EYA2: variants seen among roughly 807,000 people sequenced by gnomAD.
The protein encoded by EYA2 is protein phosphatase EYA2.
Under a neutral mutation model 69.2 loss-of-function variants are expected in EYA2, and 31 were observed. The observed-to-expected ratio is 0.45, with a 90% confidence interval of 0.34 to 0.60. The LOEUF is 0.60. Among genes scored for constraint, EYA2 ranks in the 20% least tolerant of loss-of-function variants. The pLI is 0.02. For missense variants in EYA2, 622 were observed against 701.2 expected, an observed-to-expected ratio of 0.89 and a Z score of 1.28; for synonymous variants, 257 against 279.4, an observed-to-expected ratio of 0.92 and a Z score of 0.80.
chr20:47,123,466 G>A (rs1463762560), intron 9 of EYA2, among the ~76,000 whole-genome samples: 2 of 152,146 alleles, frequency 1.3e-5, no homozygotes, highest in African/African-American at 4.8e-5. Flanking sequence ...CCACTAGCTA[G>A]AGGAAGACAA....
At chr20:46,969,897 A>C (rs1980035995) in intron 1 of EYA2, among the ~76,000 whole-genome samples, 1 of 152,204 alleles carries the variant, frequency 6.6e-6, no homozygotes, top group Non-Finnish European at 1.5e-5. Context: ...TTACTATTAA[A>C]TGTAAGGGGG....
chr20:47,023,110 ATCTT>A (rs1331385665), intron 5 of EYA2, among the ~76,000 whole-genome samples: 1 of 152,120 alleles, frequency 6.6e-6, no homozygotes, highest in Non-Finnish European at 1.5e-5. Context: ...ATCTGTGGAA[ATCTT>A]TCTTCTACCC....
At chr20:46,957,689 C>A (rs1437833553) in intron 1 of EYA2, among the ~76,000 whole-genome samples, 4 of 152,146 alleles carry the variant, frequency 2.6e-5, no homozygotes, top group Non-Finnish European at 4.4e-5. Flanking sequence ...GAAATGGATT[C>A]TCACCTGGAG....
chr20:46,923,381 A>G (rs1360405398), intron 1 of EYA2, among the ~76,000 whole-genome samples: 2 of 152,152 alleles, frequency 1.3e-5, no homozygotes, highest in African/African-American at 4.8e-5. Flanking sequence ...CAAACAAAAG[A>G]AATGTTCTAG....
At chr20:47,034,516 T>C (rs952743350) in intron 5 of EYA2, among the ~76,000 whole-genome samples, 1 of 152,198 alleles carries the variant, frequency 6.6e-6, no homozygotes, top group South Asian at 2.1e-4. Flanking sequence ...AGAGAGGGGA[T>C]GTGCTTTGCT....
At chr20:47,049,653 T>C (rs1014141461) in intron 5 of EYA2, among the ~76,000 whole-genome samples, 4 of 150,994 alleles carry the variant, frequency 2.6e-5, no homozygotes, top group African/African-American at 9.7e-5. Context: ...CCGCCATGAG[T>C]AAAAGCTCCC....
chr20:46,971,731 T>C (rs969822137), intron 1 of EYA2, among the ~76,000 whole-genome samples: 3 of 152,240 alleles, frequency 2.0e-5, no homozygotes, highest in Admixed American at 6.5e-5. Context: ...CTGACTGTTT[T>C]ACCATTAGCA....
At chr20:47,117,695 CT>C (rs2032940927) in intron 9 of EYA2, 1 of 985,246 alleles carries the variant, frequency 1.0e-6, no homozygotes, top group Non-Finnish European at 1.2e-6. Context: ...CAGTTAAAAA[CT>C]ATTTGTAGAA....
At chr20:46,929,419 C>CTTT (rs10693379) in intron 1 of EYA2, among the ~76,000 whole-genome samples, 27 of 148,924 alleles carry the variant, frequency 1.8e-4, no homozygotes, top group South Asian at 8.5e-4. Context: ...TGAGAAGGGG[C>CTTT]TTTTTTTTTG....
At chr20:47,078,410 T>G (rs1237149205) in intron 7 of EYA2, among the ~76,000 whole-genome samples, 1 of 151,908 alleles carries the variant, frequency 6.6e-6, no homozygotes, top group Non-Finnish European at 1.5e-5. Context: ...ACTTTTGAAA[T>G]TATCCAGGAT....
At chr20:46,897,812 T>C (rs543841046) in intron 1 of EYA2, among the ~76,000 whole-genome samples, 101 of 151,464 alleles carry the variant, frequency 6.7e-4, no homozygotes, top group Non-Finnish European at 1.2e-3. Context: ...AGCGGAGGAG[T>C]GGAAGTTGCG....
chr20:47,168,254 C>T lies in EYA2; in HGVS notation c.979-885C>T, dbSNP rs566613239. 2.7e-3 allele frequency among the ~76,000 whole-genome samples: 405 copies of T among 152,064 alleles called. 1 individual carries two copies. Among genetic ancestry groups the T allele is most frequent in the African/African-American group, 8.3e-3 (346 of 41,456 alleles). On this transcript the variant is annotated intron_variant, in intron 10 of 15. Transcript: ENST00000327619. ...TCATGCAGGCTGGAGCACAGTGGCGCGATCTCGGCTCACTACAACCTCCAC... is the reference window on the plus strand; with the variant it reads ...TCATGCAGGCTGGAGCACAGTGGCGTGATCTCGGCTCACTACAACCTCCAC...
At chr20:47,165,663 C>G (rs1280567488) in intron 10 of EYA2, among the ~76,000 whole-genome samples, 2 of 152,214 alleles carry the variant, frequency 1.3e-5, no homozygotes, top group Admixed American at 6.5e-5. Flanking sequence ...CACAAAGTTG[C>G]TGTGCCTGGG....
chr20:47,085,577 C>T (rs371752553), intron 7 of EYA2, among the ~76,000 whole-genome samples: 27 of 151,202 alleles, frequency 1.8e-4, no homozygotes, highest in Middle Eastern at 6.8e-3. Context: ...ACCGGGGAGG[C>T]GGAGGTTGCA....
intron 7 of EYA2, among the ~76,000 whole-genome samples, chr20:47,082,201 G>A (rs2031746780): frequency 6.6e-6 from 1 of 152,060 alleles, no homozygotes; most frequent in South Asian, 2.1e-4. Flanking sequence ...ATATATTTAA[G>A]AACTCACTTT....
intron 12 of EYA2, among the ~76,000 whole-genome samples, chr20:47,178,096 C>T (rs1030544027): frequency 6.6e-6 from 1 of 152,112 alleles, no homozygotes; most frequent in African/African-American, 2.4e-5. Context: ...TTTGGGAGGC[C>T]AAGGCAGGAT....
intron 5 of EYA2, among the ~76,000 whole-genome samples, chr20:47,039,544 C>T (rs538505506): frequency 8.0e-4 from 122 of 152,266 alleles, no homozygotes; most frequent in African/African-American, 2.8e-3. Context: ...GAAAGAAATG[C>T]GTTTTATATT....
Position 47,032,271 on chromosome 20 carries a change from G to A in EYA2, c.415+15974G>A, listed in dbSNP as rs551331732. ...GTTATGTGCTTCTTTCCCTGGGCCC[G>A]GGGAACATGCAGGGAATTCCTGATT... is the stretch of plus-strand genomic sequence containing the variant. On this transcript the variant is annotated intron_variant, in intron 5 of 15. Transcript: ENST00000327619. Among the ~76,000 whole-genome samples the A allele has an allele frequency of 4.6e-5, 7 of 152,274 alleles. No homozygotes were observed. The East Asian group carries it at 9.6e-4, about 21-fold the overall frequency.
intron 1 of EYA2, among the ~76,000 whole-genome samples, chr20:46,977,873 C>G (rs756885725): frequency 4.0e-4 from 61 of 152,290 alleles, no homozygotes; most frequent in Non-Finnish European, 7.5e-4. Flanking sequence ...TTTGTGATCA[C>G]TTCCTTGTGG....
Sources: allele counts gnomAD v4.1 joint callset (sites outside exome capture counted in the v4.1 genomes callset), GRCh38; gene constraint gnomAD v4.1.1; transcripts MANE v1.5; gene names NCBI Gene and HGNC (gene_info 2026-07-23, HGNC 2026-07-21).